The following FRMD4A variants were observed in gnomAD, a reference collection of about 807,000 sequenced individuals.
FRMD4A encodes FERM domain containing 4A, also known as FERM domain-containing protein 4A.
FRMD4A carries 29 observed loss-of-function variants against 129.1 expected under a neutral mutation model. That is an observed-to-expected ratio of 0.22 (90% CI 0.17 to 0.31). The LOEUF (loss-of-function observed/expected upper bound fraction) is 0.31. Ranked by LOEUF, FRMD4A falls within the 10% of genes least tolerant of loss-of-function variation. The probability of loss-of-function intolerance (pLI) is 1.00; values close to 1 mark genes in which losing one functional copy is unlikely to be tolerated. For missense variants in FRMD4A, 1,272 were observed against 1,375.8 expected (o/e 0.92, Z 1.19); for synonymous variants, 634 against 571.6 (o/e 1.11, Z -1.56).
intron 2 of FRMD4A, among the ~76,000 whole-genome samples, chr10:14,305,563 G>T (rs745943404): frequency 6.6e-5 from 10 of 152,048 alleles, no homozygotes; most frequent in Non-Finnish European, 1.2e-4. Context: ...AGGCCAGATG[G>T]TGTCTCTGTT....
In FRMD4A at chr10:14,070,854, A is replaced by G. The variant is rs539101328; in HGVS notation, c.46-211942T>C. Among the ~76,000 whole-genome samples the G allele has an allele frequency of 8.5e-5, 13 of 152,320 alleles. No individual in the cohort carries two copies. In the South Asian group the frequency reaches 1.4e-3, roughly 17 times the overall value. On this transcript the variant is annotated intron_variant, in intron 2 of 24. Coordinates refer to ENST00000357447, the MANE Select transcript of FRMD4A (RefSeq NM_018027.5). ...AGGACTGGGGAGAAAGGTATATTTAAAGATCCCTGACTTGTTTTTGACAGA... is the reference window on the plus strand; with the variant it reads ...AGGACTGGGGAGAAAGGTATATTTAGAGATCCCTGACTTGTTTTTGACAGA...
chr10:14,084,506 T>G (rs1836138318), intron 2 of FRMD4A, among the ~76,000 whole-genome samples: 1 of 152,234 alleles, frequency 6.6e-6, no homozygotes, highest in Non-Finnish European at 1.5e-5. Context: ...TTCTATGTTA[T>G]GTGATGCTTT....
At chr10:13,711,440 G>A (rs1432387680) in intron 12 of FRMD4A, among the ~76,000 whole-genome samples, 1 of 152,338 alleles carries the variant, frequency 6.6e-6, no homozygotes, top group East Asian at 1.9e-4. Context: ...GGAGCCTCCC[G>A]AGCTTGCGCT....
At chr10:14,212,042 C>CCTT (rs1842946710) in intron 2 of FRMD4A, among the ~76,000 whole-genome samples, 1 of 152,142 alleles carries the variant, frequency 6.6e-6, no homozygotes, top group African/African-American at 2.4e-5. Context: ...CCCCTGTGAT[C>CCTT]CTTCCAACAG....
At chr10:13,844,566 T>C (rs898762476) in intron 3 of FRMD4A, among the ~76,000 whole-genome samples, 1 of 152,184 alleles carries the variant, frequency 6.6e-6, no homozygotes, top group Non-Finnish European at 1.5e-5. Context: ...TTAAGATCTA[T>C]CGACAATTTA....
At chr10:14,005,078 A>G (rs566237996) in intron 2 of FRMD4A, among the ~76,000 whole-genome samples, 2 of 150,928 alleles carry the variant, frequency 1.3e-5, no homozygotes, top group Non-Finnish European at 2.9e-5. Context: ...GCTCGAGTGC[A>G]GTGGCTCCAT....
At chr10:14,181,370 G>C (rs909357272) in intron 2 of FRMD4A, among the ~76,000 whole-genome samples, 2 of 152,132 alleles carry the variant, frequency 1.3e-5, no homozygotes, top group Non-Finnish European at 2.9e-5. Context: ...TGCAGCCCCA[G>C]ATCGCTGCCC....
intron 2 of FRMD4A, among the ~76,000 whole-genome samples, chr10:14,049,344 G>C (rs1462086619): frequency 6.6e-6 from 1 of 152,134 alleles, no homozygotes; most frequent in Non-Finnish European, 1.5e-5. Context: ...TTCGCACTAG[G>C]TGGGGTTTTC....
chr10:14,004,109 C>T (rs1005624794), intron 2 of FRMD4A, among the ~76,000 whole-genome samples: 2 of 152,202 alleles, frequency 1.3e-5, no homozygotes, highest in African/African-American at 4.8e-5. Flanking sequence ...ACGTGTCTTA[C>T]ATAAAATTGG....
chr10:14,105,236 T>G (rs1837526583), intron 2 of FRMD4A, among the ~76,000 whole-genome samples: 1 of 152,168 alleles, frequency 6.6e-6, no homozygotes, highest in South Asian at 2.1e-4. Context: ...TTGTCATTTA[T>G]AAGCTTGAAA....
chr10:14,327,934 T>C (rs1208887579), intron 2 of FRMD4A, among the ~76,000 whole-genome samples: 1 of 152,212 alleles, frequency 6.6e-6, no homozygotes, highest in Non-Finnish European at 1.5e-5. Flanking sequence ...GCAACTCCGC[T>C]AAATGGCCTC....
At chr10:13,692,680 C>A (rs1437952075) in intron 15 of FRMD4A, 3 of 152,292 alleles carry the variant, frequency 2.0e-5, no homozygotes, top group Non-Finnish European at 2.9e-5. Context: ...TTGGATCACA[C>A]CAGCCCACAA....
chr10:14,136,885 C>T (rs1310630527), intron 2 of FRMD4A, among the ~76,000 whole-genome samples: 1 of 152,190 alleles, frequency 6.6e-6, no homozygotes, highest in Admixed American at 6.5e-5. Flanking sequence ...TGGACTGAGA[C>T]CTGTCTCAAA....
At chr10:13,802,002 G>GGA (rs765525200) in intron 4 of FRMD4A, among the ~76,000 whole-genome samples, 1 of 11,802 alleles carries the variant, frequency 8.5e-5, no homozygotes. Context: ...CAATAATAAT[G>GGA]CAAAAAAAAA....
At chr10:14,010,664 C>CTTTTTTTTTTTTTTTGTTT (rs2095678892) in intron 2 of FRMD4A, among the ~76,000 whole-genome samples, 1 of 76,418 alleles carries the variant, frequency 1.3e-5, no homozygotes, top group Non-Finnish European at 2.4e-5. Context: ...GAGTTTAGGT[C>CTTTTTTTTTTTTTTTGTTT]TTTTTTTTTT....
At chr10:13,930,628 G>T (rs1366815560) in intron 2 of FRMD4A, among the ~76,000 whole-genome samples, 1 of 152,088 alleles carries the variant, frequency 6.6e-6, no homozygotes, top group African/African-American at 2.4e-5. Flanking sequence ...CGTTCCCGAA[G>T]GGTCTGGGGG....
intron 2 of FRMD4A, among the ~76,000 whole-genome samples, chr10:14,319,778 C>T (rs1159032433): frequency 4.6e-5 from 7 of 152,146 alleles, no homozygotes; most frequent in Non-Finnish European, 1.0e-4. Flanking sequence ...AGGACCTAAC[C>T]CAGCCTTTAC....
At chr10:13,861,571 A>C (rs771445100) in intron 2 of FRMD4A, among the ~76,000 whole-genome samples, 7 of 152,244 alleles carry the variant, frequency 4.6e-5, no homozygotes, top group Admixed American at 3.9e-4. Context: ...TCCAACGAAC[A>C]GATTAAACAC....
At chr10:14,318,612 CAAAA>C (rs66547751) in intron 2 of FRMD4A, among the ~76,000 whole-genome samples, 6 of 135,026 alleles carry the variant, frequency 4.4e-5, no homozygotes, top group Non-Finnish European at 7.8e-5. Flanking sequence ...TGCTAGTATG[CAAAA>C]AAAAAAAAAA....
Sources: allele counts gnomAD v4.1 joint callset (sites outside exome capture counted in the v4.1 genomes callset), GRCh38; gene constraint gnomAD v4.1.1; transcripts MANE v1.5; gene names NCBI Gene and HGNC (gene_info 2026-07-23, HGNC 2026-07-21).